NXPE2: variants seen among roughly 807,000 people sequenced by gnomAD.
NXPE2 encodes neurexophilin and PC-esterase domain family member 2.
A neutral mutation model predicts 34.4 loss-of-function variants in NXPE2; 34 were observed. The ratio of observed to expected loss-of-function variants is 0.99; its 90% CI spans 0.75 to 1.31. The LOEUF (loss-of-function observed/expected upper bound fraction) is 1.31, where lower values mean the gene tolerates loss of function less well. Among genes scored for constraint, NXPE2 ranks in the 40% most tolerant of loss-of-function variants. The probability of loss-of-function intolerance (pLI) is 0.00; values close to 1 mark genes in which losing one functional copy is unlikely to be tolerated. For missense variants in NXPE2, 649 were observed against 672.5 expected (o/e 0.97, Z 0.39); for synonymous variants, 235 against 231.3 (o/e 1.02, Z -0.15).
At chr11:114,465,203 A>C in the NXPE2 span, among the ~76,000 whole-genome samples, 1 of 152,204 alleles carries the variant, frequency 6.6e-6, no homozygotes, top group East Asian at 1.9e-4. Context: ...AAAATCTTAC[A>C]CATATGCACA....
At chr11:114,544,233 C>T in the NXPE2 span, among the ~76,000 whole-genome samples, 1 of 152,020 alleles carries the variant, frequency 6.6e-6, no homozygotes, top group East Asian at 1.9e-4. Context: ...AACAAACTGA[C>T]TGAAATTTTA....
At chr11:114,656,996 A>T in the NXPE2 span, among the ~76,000 whole-genome samples, 1 of 152,166 alleles carries the variant, frequency 6.6e-6, no homozygotes, top group African/African-American at 2.4e-5. Flanking sequence ...CTGGAGGCTG[A>T]GGCAGGAGAA....
chr11:114,585,607 G>A, the NXPE2 span, among the ~76,000 whole-genome samples: 3 of 151,970 alleles, frequency 2.0e-5, no homozygotes, highest in Non-Finnish European at 2.9e-5. Context: ...GTGTGTGTGT[G>A]TGTATATATA....
chr11:114,754,341 C>G, the NXPE2 span, among the ~76,000 whole-genome samples: 13 of 152,184 alleles, frequency 8.5e-5, no homozygotes, highest in East Asian at 2.3e-3. Context: ...CCCAGACCCT[C>G]TCAGAGGTAA....
At chr11:114,813,251 G>A in the NXPE2 span, among the ~76,000 whole-genome samples, 188 of 152,322 alleles carry the variant, frequency 1.2e-3, no homozygotes, top group African/African-American at 4.4e-3. Context: ...TCCCTCTGGC[G>A]TCTCCCTCAT....
the NXPE2 span, among the ~76,000 whole-genome samples, chr11:114,493,886 A>G: frequency 6.6e-6 from 1 of 151,960 alleles, no homozygotes; most frequent in Non-Finnish European, 1.5e-5. Flanking sequence ...CTTATAGAAA[A>G]GGTCTGGTAT....
At chr11:114,600,720 A>C in the NXPE2 span, among the ~76,000 whole-genome samples, 1 of 152,058 alleles carries the variant, frequency 6.6e-6, no homozygotes, top group South Asian at 2.1e-4. Context: ...AATCCAAAAA[A>C]AGTCTGTAAT....
the NXPE2 span, among the ~76,000 whole-genome samples, chr11:114,655,328 A>G: frequency 1.3e-5 from 2 of 152,162 alleles, no homozygotes; most frequent in African/African-American, 4.8e-5. Context: ...CTTTAGTTTA[A>G]TTAGATCCCA....
the NXPE2 span, among the ~76,000 whole-genome samples, chr11:114,653,485 C>T: frequency 2.6e-5 from 4 of 151,394 alleles, no homozygotes; most frequent in African/African-American, 4.9e-5. Context: ...GCTTGTACTC[C>T]GTATTTCATT....
At chr11:114,522,063 A>T in the NXPE2 span, 1 of 1,612,674 alleles carries the variant, frequency 6.2e-7, no homozygotes, top group South Asian at 1.1e-5. Flanking sequence ...GTCATGTCCC[A>T]GGCATCAATG....
At chr11:114,793,778 C>A in the NXPE2 span, among the ~76,000 whole-genome samples, 1 of 152,178 alleles carries the variant, frequency 6.6e-6, no homozygotes, top group Non-Finnish European at 1.5e-5. Context: ...TATGTGAACA[C>A]AGAATCACTG....
intron 3 of NXPE2, among the ~76,000 whole-genome samples, chr11:114,700,552 G>T (rs1211940063): frequency 6.6e-6 from 1 of 152,082 alleles, no homozygotes; most frequent in Non-Finnish European, 1.5e-5. Flanking sequence ...GATGAGATAG[G>T]GAGGCAGGGC....
At chr11:114,679,559 A>C (rs956766894) in intron 1 of NXPE2, 98 bp from the exon 2 acceptor site, 2 of 645,340 alleles carry the variant, frequency 3.1e-6, no homozygotes, top group Admixed American at 2.8e-5. Flanking sequence ...GGATAACATC[A>C]CCTTGTTCTG....
intron 2 of NXPE2, among the ~76,000 whole-genome samples, chr11:114,689,544 A>G (rs908868012): frequency 6.6e-6 from 1 of 152,096 alleles, no homozygotes; most frequent in African/African-American, 2.4e-5. Flanking sequence ...TGCAGATGAG[A>G]AGAATGTATA....
At chr11:114,594,638 A>G in the NXPE2 span, 10 of 1,449,104 alleles carry the variant, frequency 6.9e-6, no homozygotes, top group East Asian at 2.3e-4. Flanking sequence ...AGCTTCTGTA[A>G]ACCACATAAA....
At chr11:114,720,251 C>T in the NXPE2 span, among the ~76,000 whole-genome samples, 1 of 152,150 alleles carries the variant, frequency 6.6e-6, no homozygotes, top group African/African-American at 2.4e-5. Flanking sequence ...GGCCCTGAGC[C>T]ATTGGATCTG....
chr11:114,744,204 T>G, the NXPE2 span, among the ~76,000 whole-genome samples: 3 of 152,200 alleles, frequency 2.0e-5, no homozygotes, highest in African/African-American at 7.2e-5. Context: ...AAAGTGTCTT[T>G]TGTGCAAATT....
chr11:114,581,167 G>A, the NXPE2 span, among the ~76,000 whole-genome samples: 5 of 152,210 alleles, frequency 3.3e-5, no homozygotes, highest in East Asian at 9.7e-4. Context: ...AAAAGCTCTT[G>A]CCTTGAGTCG....
the NXPE2 span, among the ~76,000 whole-genome samples, chr11:114,481,446 C>T: frequency 9.9e-5 from 15 of 152,116 alleles, no homozygotes; most frequent in African/African-American, 1.9e-4. Context: ...GCAACAATAG[C>T]GCTTTCCTTA....
Sources: allele counts gnomAD v4.1 joint callset (sites outside exome capture counted in the v4.1 genomes callset), GRCh38; gene constraint gnomAD v4.1.1; transcripts MANE v1.5; gene names NCBI Gene and HGNC (gene_info 2026-07-23, HGNC 2026-07-21).